LBH: variants seen among roughly 807,000 people sequenced by gnomAD.
The protein encoded by LBH is LBH regulator of Wnt signaling pathway.
A neutral mutation model predicts 12.5 loss-of-function variants in LBH; 7 were observed. That is an observed-to-expected ratio of 0.56 (90% CI 0.32 to 1.05). The LOEUF is 1.05. LBH is among the 50% of genes least tolerant of loss of function. The probability of loss-of-function intolerance (pLI) is 0.04; values close to 1 mark genes in which losing one functional copy is unlikely to be tolerated. For missense variants in LBH, 119 were observed against 138.9 expected, an observed-to-expected ratio of 0.86 and a Z score of 0.72; for synonymous variants, 51 against 50.1, an observed-to-expected ratio of 1.02 and a Z score of -0.08.
At chr2:30,245,060 A>G (rs1454205473) in intron 2 of LBH, among the ~76,000 whole-genome samples, 4 of 152,364 alleles carry the variant, frequency 2.6e-5, no homozygotes, top group Non-Finnish European at 4.4e-5. Flanking sequence ...ATTTTTTAAA[A>G]TATCATTTTG....
intron 2 of LBH, among the ~76,000 whole-genome samples, chr2:30,240,982 G>A (rs1572378613): frequency 6.6e-6 from 1 of 152,232 alleles, no homozygotes; most frequent in East Asian, 1.9e-4. Flanking sequence ...TGGTGTCTAA[G>A]CCTGACTTTC....
rs542298364 is a variant in LBH at position 30,237,060 on chromosome 2, G to A, written c.129+2553G>A. ...CCACCAGAGCTCTGGGGATTGGCTGGGACTGGCACTTGGCTGGAGCCCCTT... is the reference window on the plus strand; with the variant it reads ...CCACCAGAGCTCTGGGGATTGGCTGAGACTGGCACTTGGCTGGAGCCCCTT... On this transcript the variant is annotated intron_variant, in intron 2 of 2. Transcript: ENST00000395323. Among the ~76,000 whole-genome samples the A allele has an allele frequency of 1.7e-4, 26 of 152,322 alleles. No homozygotes were observed. In the South Asian group the frequency reaches 5.4e-3, roughly 32 times the overall value.
At chr2:30,247,353 C>G (rs976902568) in intron 2 of LBH, among the ~76,000 whole-genome samples, 4 of 152,202 alleles carry the variant, frequency 2.6e-5, no homozygotes, top group Admixed American at 2.6e-4. Flanking sequence ...TTCTTAATGT[C>G]TCTACTGATC....
chr2:30,255,665 T>A (rs1678071704), intron 2 of LBH, among the ~76,000 whole-genome samples: 1 of 152,194 alleles, frequency 6.6e-6, no homozygotes, highest in African/African-American at 2.4e-5. Context: ...GTGACTTGGC[T>A]GGGGCAGCAC....
intron 2 of LBH, among the ~76,000 whole-genome samples, chr2:30,252,302 C>A (rs542985617): frequency 3.9e-5 from 6 of 152,146 alleles, no homozygotes; most frequent in Admixed American, 3.9e-4. Flanking sequence ...TGTTTGCTTC[C>A]GCTTCCACCA....
intron 1 of LBH, 138 bp from the exon 2 acceptor site, chr2:30,234,267 T>C (rs1677642227): frequency 2.9e-6 from 2 of 687,976 alleles, no homozygotes; most frequent in Non-Finnish European, 5.1e-6. Flanking sequence ...TGTGAGCTTG[T>C]TTTGCTGCAA....
At chr2:30,232,005 C>A in intron 1 of LBH, 1 of 1,093,446 alleles carries the variant, frequency 9.1e-7, no homozygotes, top group African/African-American at 1.6e-5. Flanking sequence ...AAGTGACGGC[C>A]GGAGGGTTTG....
intron 2 of LBH, among the ~76,000 whole-genome samples, chr2:30,238,885 C>CTTTTT (rs367954684): frequency 2.0e-5 from 2 of 98,042 alleles, no homozygotes; most frequent in African/African-American, 7.9e-5. Context: ...CCTCCCCACT[C>CTTTTT]TTTTTTTTTT....
chr2:30,232,237 G>A (rs1264572381), intron 1 of LBH: 2 of 862,756 alleles, frequency 2.3e-6, no homozygotes, highest in East Asian at 2.9e-5. Flanking sequence ...GAGCTCCGGG[G>A]GGGTGGGGGG....
chr2:30,243,657 A>G (rs1489376097), intron 2 of LBH, among the ~76,000 whole-genome samples: 1 of 150,416 alleles, frequency 6.6e-6, no homozygotes, highest in Non-Finnish European at 1.5e-5. Context: ...CAGTTCCCTC[A>G]GTAGCTGGGA....
chr2:30,257,187 G>A (rs1233825190), intron 2 of LBH, among the ~76,000 whole-genome samples: 3 of 152,150 alleles, frequency 2.0e-5, no homozygotes, highest in Non-Finnish European at 4.4e-5. Context: ...TAAACTCAGC[G>A]GCACTGCCCC....
intron 2 of LBH, among the ~76,000 whole-genome samples, chr2:30,250,833 T>G (rs759490561): frequency 3.4e-4 from 51 of 151,402 alleles, no homozygotes; most frequent in Admixed American, 9.8e-4. Flanking sequence ...CCACTGTTGG[T>G]CGGTCAAACA....
At position 30,259,693 on chromosome 2, in the gene LBH, A is replaced by G. The variant is rs990718624; in HGVS notation, c.*2072A>G. ...TTTGCTGGTCCCTAGACCACTTTGTATGACCGTTTGCAGTCTGAGCAGGCC... is the reference window on the plus strand; with the variant it reads ...TTTGCTGGTCCCTAGACCACTTTGTGTGACCGTTTGCAGTCTGAGCAGGCC... On this transcript the variant is annotated 3_prime_UTR_variant, in exon 3 of 3. Coordinates refer to ENST00000395323, the MANE Select transcript of LBH (RefSeq NM_030915.4). The G allele has an allele frequency of 2.6e-5, 4 of 152,708 alleles. No individual in the cohort carries two copies. Among genetic ancestry groups the G allele is most frequent in the East Asian group, 3.9e-4 (2 of 5,174 alleles). 9.5% of individuals were successfully genotyped at this position (152,708 alleles called of 1,614,324 possible). A position where few individuals can be genotyped will look rare whatever the true frequency, so the allele number is the denominator to read the frequency against.
chr2:30,242,319 C>T (rs1166195340), intron 2 of LBH, among the ~76,000 whole-genome samples: 1 of 152,076 alleles, frequency 6.6e-6, no homozygotes, highest in Non-Finnish European at 1.5e-5. Context: ...TCTCGGCTCA[C>T]TGCAACCTCT....
intron 2 of LBH, among the ~76,000 whole-genome samples, chr2:30,255,756 C>G (rs1478727595): frequency 6.6e-6 from 1 of 152,134 alleles, no homozygotes; most frequent in Non-Finnish European, 1.5e-5. Flanking sequence ...GTAAAAGGGC[C>G]TTTCTTCTAT....
chr2:30,232,092 G>C, intron 1 of LBH: 5 of 1,535,256 alleles, frequency 3.3e-6, no homozygotes, highest in Non-Finnish European at 4.4e-6. Flanking sequence ...AGCTGCAGGA[G>C]GCGCGCGCCC....
chr2:30,247,691 A>T (rs575678305), intron 2 of LBH, among the ~76,000 whole-genome samples: 153 of 152,212 alleles, frequency 1.0e-3, no homozygotes, highest in Non-Finnish European at 1.9e-3. Context: ...TTGTAGGCTA[A>T]CTGTCCATTT....
chr2:30,252,122 T>C (rs1360563913), intron 2 of LBH, among the ~76,000 whole-genome samples: 6 of 152,188 alleles, frequency 3.9e-5, no homozygotes, highest in Admixed American at 3.9e-4. Context: ...ATAATCCCCT[T>C]GTCTCATGGG....
Position 30,234,442 on chromosome 2 carries a change from A to T in LBH, c.64A>T (p.Met22Leu). The change falls in exon 2 of 3, where the codon ATG becomes TTG. Residue 22 changes from methionine (M) to leucine (L), a missense_variant. Coordinates refer to ENST00000395323, the MANE Select transcript of LBH (RefSeq NM_030915.4). ...YLRSAKMTEV[M>L]MNTQPMEEIG... ...GAGATCGGCCAAGATGACTGAGGTG[A>T]TGATGAACACCCAGCCCATGGAGGA... The T allele has an allele frequency of 6.2e-7, 1 of 1,614,134 alleles. No individual in the cohort carries two copies. The highest frequency in any genetic ancestry group is 8.5e-7 in the Non-Finnish European group (1 of 1,179,990).
Sources: gnomAD v4.1 joint callset for allele counts (sites outside exome capture counted in the v4.1 genomes callset) on GRCh38, gnomAD v4.1.1 for gene constraint, MANE v1.5 for transcripts, NCBI Gene and HGNC (gene_info 2026-07-23, HGNC 2026-07-21) for gene names.